Variants in SCFD2 observed in about 807,000 individuals in gnomAD.
SCFD2 encodes the protein sec1 family domain containing 2, also known as sec1 family domain-containing protein 2.
Under a neutral mutation model 58.9 loss-of-function variants are expected in SCFD2, and 54 were observed. The ratio of observed to expected loss-of-function variants is 0.92; its 90% CI spans 0.74 to 1.15. SCFD2 has a LOEUF of 1.15. Ranked by LOEUF, SCFD2 falls within the 50% of genes most tolerant of loss-of-function variation. SCFD2 has a pLI of 0.00. For missense variants in SCFD2, 805 were observed against 836.6 expected, an observed-to-expected ratio of 0.96 and a Z score of 0.47; for synonymous variants, 321 against 335.9, an observed-to-expected ratio of 0.96 and a Z score of 0.49.
At chr4:52,964,334 T>A (rs967953798) in intron 5 of SCFD2, among the ~76,000 whole-genome samples, 1 of 152,214 alleles carries the variant, frequency 6.6e-6, no homozygotes, top group African/African-American at 2.4e-5. Context: ...TAAACATGCA[T>A]ATATCACAGG....
intron 3 of SCFD2, among the ~76,000 whole-genome samples, chr4:53,292,544 T>A (rs1577937197): frequency 6.6e-6 from 1 of 152,102 alleles, no homozygotes; most frequent in East Asian, 1.9e-4. Context: ...TAAAAAGTCA[T>A]GAAACAACAG....
At chr4:52,933,815 A>C (rs1255742165) in intron 5 of SCFD2, among the ~76,000 whole-genome samples, 1 of 152,302 alleles carries the variant, frequency 6.6e-6, no homozygotes, top group East Asian at 1.9e-4. Context: ...TTAATTTCCA[A>C]TGCAACAACA....
chr4:53,137,480 T>C (rs1219148804), intron 5 of SCFD2, among the ~76,000 whole-genome samples: 1 of 152,250 alleles, frequency 6.6e-6, no homozygotes, highest in East Asian at 1.9e-4. Context: ...AATTTTTCAT[T>C]GTATACAACT....
At chr4:53,219,764 G>A (rs1044140949) in intron 4 of SCFD2, among the ~76,000 whole-genome samples, 5 of 152,100 alleles carry the variant, frequency 3.3e-5, no homozygotes, top group East Asian at 1.9e-4. Flanking sequence ...GTTCCTATTC[G>A]GCCCTCTTGG....
chr4:53,262,153 A>C (rs1185857420), intron 4 of SCFD2, among the ~76,000 whole-genome samples: 2 of 152,198 alleles, frequency 1.3e-5, no homozygotes, highest in Non-Finnish European at 2.9e-5. Context: ...CTTATGTGTT[A>C]GATGAGTCTC....
At chr4:53,345,659 G>T (rs1049477948) in intron 2 of SCFD2, among the ~76,000 whole-genome samples, 1 of 151,846 alleles carries the variant, frequency 6.6e-6, no homozygotes, top group Admixed American at 6.6e-5. Flanking sequence ...TATGTTTATT[G>T]TGGCACTATT....
At chr4:52,952,025 G>A (rs1720606367) in intron 5 of SCFD2, among the ~76,000 whole-genome samples, 1 of 152,150 alleles carries the variant, frequency 6.6e-6, no homozygotes, top group Admixed American at 6.5e-5. Context: ...ACGAAGAGAT[G>A]ATGGAGTGGC....
chr4:53,313,658 G>T lies in SCFD2; in HGVS notation c.1113C>A (p.Asn371Lys), dbSNP rs140110623. 2.1e-3 allele frequency: 3,394 copies of T among 1,613,940 alleles called. 9 individuals carry two copies. The highest frequency in any genetic ancestry group is 2.6e-3 in the Non-Finnish European group (3,076 of 1,179,888). ...RHLVEAASRE[N>K]LPIKMSMGRV... ...TACCCATACTCATCTTGATTGGCAG[G>T]TTTTCTCTGCTTGCCGCTTCCACTA... Residue 371 changes from asparagine (N) to lysine (K), a missense_variant, in exon 3 of 9, where the codon AAC becomes AAA. Asn to Lys is a moderately conservative substitution (Grantham distance 94). Around this residue, in one of 3 missense-constraint regions of SCFD2, gnomAD observed 633 missense variants for 646.8 expected, o/e 0.98. Transcript: ENST00000401642.
chr4:52,986,491 A>ATTTTTTTT (rs369944739), intron 5 of SCFD2, among the ~76,000 whole-genome samples: 5 of 84,920 alleles, frequency 5.9e-5, no homozygotes, highest in African/African-American at 1.4e-4. Context: ...TCTTCATGAA[A>ATTTTTTTT]TTTTTTTTTT....
intron 3 of SCFD2, among the ~76,000 whole-genome samples, chr4:53,311,159 T>A (rs1463197043): frequency 6.6e-6 from 1 of 152,186 alleles, no homozygotes; most frequent in Non-Finnish European, 1.5e-5. Flanking sequence ...GCTAGTGATA[T>A]GAAGCAAAAA....
intron 3 of SCFD2, among the ~76,000 whole-genome samples, chr4:53,304,152 G>T (rs1236075847): frequency 6.6e-6 from 1 of 151,598 alleles, no homozygotes; most frequent in African/African-American, 2.4e-5. Flanking sequence ...TTAAATATTG[G>T]CCCCTACTCT....
intron 3 of SCFD2, among the ~76,000 whole-genome samples, chr4:53,288,269 A>G (rs1219329312): frequency 5.3e-5 from 8 of 152,302 alleles, no homozygotes; most frequent in Non-Finnish European, 1.0e-4. Flanking sequence ...AGCATTAACC[A>G]TATAAATATT....
chr4:52,878,047 C>T (rs1718520861), intron 8 of SCFD2, among the ~76,000 whole-genome samples: 2 of 152,184 alleles, frequency 1.3e-5, no homozygotes, highest in African/African-American at 2.4e-5. Flanking sequence ...TCCTCCATTG[C>T]CCTTCAACAA....
chr4:53,228,920 A>G (rs1484815289), intron 4 of SCFD2, among the ~76,000 whole-genome samples: 1 of 152,246 alleles, frequency 6.6e-6, no homozygotes, highest in African/African-American at 2.4e-5. Flanking sequence ...ACTTCAGCAA[A>G]GTCTCAGGAT....
At chr4:53,173,126 G>T (rs1727227968) in intron 4 of SCFD2, among the ~76,000 whole-genome samples, 1 of 151,810 alleles carries the variant, frequency 6.6e-6, no homozygotes, top group South Asian at 2.1e-4. Flanking sequence ...TACAGTTTTT[G>T]ACTTAAAGTC....
intron 5 of SCFD2, among the ~76,000 whole-genome samples, chr4:53,070,735 T>C (rs1287107007): frequency 1.3e-5 from 2 of 152,268 alleles, no homozygotes; most frequent in African/African-American, 2.4e-5. Flanking sequence ...TGCTTTACTC[T>C]ATAGGTTTAC....
intron 3 of SCFD2, among the ~76,000 whole-genome samples, chr4:53,281,870 C>T (rs1391203523): frequency 6.6e-6 from 1 of 152,148 alleles, no homozygotes; most frequent in Non-Finnish European, 1.5e-5. Context: ...TCTTCTTTCC[C>T]TCTTTCGTCT....
intron 5 of SCFD2, chr4:52,951,147 A>G (rs951049102): frequency 1.8e-4 from 28 of 152,182 alleles, no homozygotes; most frequent in African/African-American, 6.5e-4. Context: ...GGTGGCTTTG[A>G]TTGATTGATT....
At chr4:53,311,364 A>T (rs966858015) in intron 3 of SCFD2, among the ~76,000 whole-genome samples, 13 of 151,844 alleles carry the variant, frequency 8.6e-5, no homozygotes, top group Admixed American at 3.3e-4. Flanking sequence ...ATTCTATCTT[A>T]AAAAAAATTT....
Sources: gnomAD v4.1 joint callset for allele counts (sites outside exome capture counted in the v4.1 genomes callset) on GRCh38, gnomAD v4.1.1 for gene constraint, gnomAD v4.1.1 regional missense constraint, MANE v1.5 for transcripts, NCBI Gene and HGNC (gene_info 2026-07-23, HGNC 2026-07-21) for gene names.